The following MACF1 variants were observed in gnomAD, a reference collection of about 807,000 sequenced individuals.
MACF1 encodes microtubule actin crosslinking factor 1.
Under a neutral mutation model 854.8 loss-of-function variants are expected in MACF1, and 193 were observed. That is an observed-to-expected ratio of 0.23 (90% CI 0.20 to 0.25). The LOEUF (loss-of-function observed/expected upper bound fraction) is 0.25, where lower values mean the gene tolerates loss of function less well. Among genes scored for constraint, MACF1 ranks in the 10% least tolerant of loss-of-function variants. The pLI is 1.00. For missense variants in MACF1, 7,722 were observed against 8,929.1 expected (o/e 0.86, Z 5.45); for synonymous variants, 3,185 against 3,226.7 (o/e 0.99, Z 0.44).
Position 39,322,686 on chromosome 1 carries a change from C to G in MACF1, c.4108C>G (p.Leu1370Val). The G allele has an allele frequency of 1.2e-6, 2 of 1,614,138 alleles. No homozygotes were observed. The highest frequency in any genetic ancestry group is 1.7e-6 in the Non-Finnish European group (2 of 1,180,002). ...ATCCCCTGGCAAGCGCCGTCGCATG[C>G]TTTCCTCTTCAGATGCCATCACTCA... ...QKSPGKRRRM[L>V]SSSDAITQEF... The change falls in exon 32 of 101, where the codon CTT (leucine) becomes GTT (valine). Residue 1370 changes from leucine to valine, a missense_variant. Physicochemically the swap from Leu to Val is conservative, Grantham distance 32. Coordinates refer to ENST00000564288, the MANE Select transcript of MACF1 (RefSeq NM_001394062.1).
chr1:39,453,670 CTT>C (rs745522177), intron 87 of MACF1, 35 bp from the exon 88 acceptor site: 2 of 1,604,076 alleles, frequency 1.2e-6, no homozygotes, highest in Non-Finnish European at 1.7e-6. Flanking sequence ...CTAATGTAGA[CTT>C]TTTACGTTTT....
chr1:39,276,935 G>A (rs752232758), intron 6 of MACF1, among the ~76,000 whole-genome samples: 2 of 151,954 alleles, frequency 1.3e-5, no homozygotes, highest in Admixed American at 1.3e-4. Flanking sequence ...TCATTTTTTT[G>A]TAGAGATCAA....
chr1:39,343,083 C>A (rs571100568), intron 40 of MACF1, among the ~76,000 whole-genome samples: 3 of 152,118 alleles, frequency 2.0e-5, no homozygotes, highest in African/African-American at 7.2e-5. Context: ...TTAATTGATT[C>A]TTTTTATTAG....
chr1:39,460,613 A>G lies in MACF1; in HGVS notation c.21361-19A>G, dbSNP rs1442202128. 2 of 1,613,054 alleles carry G rather than the reference A, an allele frequency of 1.2e-6. No individual in the cohort carries two copies. The highest frequency in any genetic ancestry group is 1.7e-6 in the Non-Finnish European group (2 of 1,179,130). ...GGCCCAAAAAATAAATCTTATTGAC[A>G]CTTCTGATTTCTGTGTAGTTGAAAG... On this transcript the variant is annotated intron_variant, in intron 91 of 100. Transcript: ENST00000564288. This position sits in a 1 kb window ranked among gnomAD's most constrained non-coding sequence, Gnocchi z 4.1.
At chr1:39,305,290 A>G (rs1240548196) in intron 23 of MACF1, among the ~76,000 whole-genome samples, 2 of 143,412 alleles carry the variant, frequency 1.4e-5, no homozygotes, top group Non-Finnish European at 3.1e-5. Context: ...GTGTGTGTGT[A>G]TATATATGTA....
At chr1:39,126,913 A>G (rs917647255) in intron 2 of MACF1, among the ~76,000 whole-genome samples, 13 of 152,132 alleles carry the variant, frequency 8.5e-5, no homozygotes, top group Non-Finnish European at 1.3e-4. Flanking sequence ...ATTTATTACT[A>G]AGATTTAACT....
chr1:39,279,994 T>TACTTTAC (rs1221735007), intron 6 of MACF1, among the ~76,000 whole-genome samples: 5 of 152,162 alleles, frequency 3.3e-5, no homozygotes, highest in Non-Finnish European at 7.3e-5. Flanking sequence ...TAAACTTGTT[T>TACTTTAC]ACTTTACACA....
chr1:39,324,197 T>C lies in MACF1; in HGVS notation c.4241T>C (p.Val1414Ala). 21 of 1,599,870 alleles carry C rather than the reference T, an allele frequency of 1.3e-5. No homozygotes were observed. The highest frequency in any genetic ancestry group is 1.6e-5 in the Non-Finnish European group (19 of 1,174,078). The change falls in exon 34 of 101, where the codon GTG becomes GCG. Residue 1414 changes from valine (V) to alanine (A), a missense_variant. Val to Ala is a moderately conservative substitution (Grantham distance 64). Coordinates refer to ENST00000564288, the MANE Select transcript of MACF1 (RefSeq NM_001394062.1). ...ATTTTCTATTTCCTATTCTAGAAAGTGGTAGAAGAGGAGAAACAAGAACAT... is the reference window on the plus strand; with the variant it reads ...ATTTTCTATTTCCTATTCTAGAAAGCGGTAGAAGAGGAGAAACAAGAACAT... ...ALRRLEEEEK[V>A]VEEEKQEHVE...
chr1:39,476,020 T>C (rs898817518), intron 97 of MACF1, among the ~76,000 whole-genome samples: 1 of 152,200 alleles, frequency 6.6e-6, no homozygotes, highest in Admixed American at 6.5e-5. Context: ...ACCCTCCACA[T>C]GCAAGTTACA....
At chr1:39,396,035 G>A (rs1021910331) in intron 58 of MACF1, among the ~76,000 whole-genome samples, 1 of 152,202 alleles carries the variant, frequency 6.6e-6, no homozygotes, top group Non-Finnish European at 1.5e-5. Context: ...TTGATAGCAA[G>A]GTGAGATTTT....
chr1:39,087,723 A>G (rs770308753), intron 2 of MACF1, among the ~76,000 whole-genome samples: 14 of 152,132 alleles, frequency 9.2e-5, no homozygotes, highest in Admixed American at 2.6e-4. Context: ...GGACTTGCCT[A>G]TAGTTACACA....
chr1:39,275,213 G>A (rs1436909435), intron 6 of MACF1, among the ~76,000 whole-genome samples: 1 of 151,814 alleles, frequency 6.6e-6, no homozygotes, highest in Non-Finnish European at 1.5e-5. Flanking sequence ...CGAGTAGCTG[G>A]GACTACAGGC....
intron 58 of MACF1, among the ~76,000 whole-genome samples, chr1:39,395,449 T>C (rs1218045477): frequency 6.6e-6 from 1 of 152,212 alleles, no homozygotes; most frequent in African/African-American, 2.4e-5. Flanking sequence ...GATTCTTTAT[T>C]TTTGCTGGCC....
intron 2 of MACF1, among the ~76,000 whole-genome samples, chr1:39,131,043 G>A (rs1466915752): frequency 1.3e-5 from 2 of 151,124 alleles, no homozygotes; most frequent in Non-Finnish European, 2.9e-5. Flanking sequence ...GTAGAAACGG[G>A]GTTTCACCAT....
At chr1:39,143,457 A>G (rs1643391891) in intron 2 of MACF1, among the ~76,000 whole-genome samples, 1 of 152,216 alleles carries the variant, frequency 6.6e-6, no homozygotes, top group Non-Finnish European at 1.5e-5. Context: ...GTAGAGAATG[A>G]GCAAGTGGCT....
At chr1:39,390,841 C>T (rs757737917) in intron 58 of MACF1, among the ~76,000 whole-genome samples, 13 of 152,174 alleles carry the variant, frequency 8.5e-5, no homozygotes, top group Non-Finnish European at 1.9e-4. Flanking sequence ...GGTGCGGTGG[C>T]TCACGCCTGT....
At chr1:39,215,468 G>C (rs572544756) in intron 1 of MACF1, 1 of 152,234 alleles carries the variant, frequency 6.6e-6, no homozygotes, top group East Asian at 1.9e-4. Flanking sequence ...GCTTGTCCGG[G>C]CCTGAGGATC....
At chr1:39,469,286 G>A (rs1176874341) in intron 96 of MACF1, among the ~76,000 whole-genome samples, 1 of 152,208 alleles carries the variant, frequency 6.6e-6, no homozygotes. Flanking sequence ...CAGCCCAGAA[G>A]CATAAGGAGA....
chr1:39,407,664 C>A (rs1484182117), intron 58 of MACF1, among the ~76,000 whole-genome samples: 1 of 152,186 alleles, frequency 6.6e-6, no homozygotes, highest in East Asian at 1.9e-4. Context: ...CAGCGCACTT[C>A]TCATTTTTGC....
Sources: allele counts gnomAD v4.1 joint callset (sites outside exome capture counted in the v4.1 genomes callset), GRCh38; gene constraint gnomAD v4.1.1; non-coding constraint Gnocchi (gnomAD v3.1); transcripts MANE v1.5; gene names NCBI Gene and HGNC (gene_info 2026-07-23, HGNC 2026-07-21).